Variants in TMEM260 observed in about 807,000 individuals in gnomAD.
TMEM260 encodes the protein transmembrane protein 260, also known as protein O-mannosyl-transferase TMEM260.
A neutral mutation model predicts 88.9 loss-of-function variants in TMEM260; 82 were observed. That is an observed-to-expected ratio of 0.92 (90% CI 0.77 to 1.11). The LOEUF (loss-of-function observed/expected upper bound fraction) is 1.11. Ranked by LOEUF, TMEM260 falls within the 50% of genes least tolerant of loss-of-function variation. The pLI is 0.00. For synonymous variants in TMEM260, 314 were observed against 309.3 expected (o/e 1.02, Z -0.16); for missense variants, 902 against 853.4 (o/e 1.06, Z -0.71).
intron 3 of TMEM260, among the ~76,000 whole-genome samples, chr14:56,588,250 C>G (rs1885634120): frequency 6.6e-6 from 1 of 152,044 alleles, no homozygotes; most frequent in South Asian, 2.1e-4. Context: ...TTAGTGCTGA[C>G]TGGTGTGCAG....
At chr14:56,660,091 T>C in the TMEM260 span, among the ~76,000 whole-genome samples, 1 of 152,246 alleles carries the variant, frequency 6.6e-6, no homozygotes, top group African/African-American at 2.4e-5. Flanking sequence ...AGAGTGATGA[T>C]GCCAAAAATT....
Position 56,617,210 on chromosome 14 carries a change from GC to G in TMEM260, c.970del (p.Leu324PhefsTer19). 6.3e-7 allele frequency: 1 copy of G among 1,598,976 alleles called. No individual in the cohort carries two copies. Among genetic ancestry groups the G allele is most frequent in the Non-Finnish European group, 8.5e-7 (1 of 1,173,836 alleles). On this transcript the variant is annotated frameshift_variant, in exon 9 of 16. Coordinates refer to ENST00000261556, the MANE Select transcript of TMEM260 (RefSeq NM_017799.4). LOFTEE classifies it high-confidence loss of function. ...ACAGACAGAATCCATCATTAGTATG[GC>G]TTTTTACTGGAATGTTTTGCATTTA... is the stretch of plus-strand genomic sequence containing the variant. ...KDRQNPSLVW[L>X]FTGMFCIYSL... is the part of the protein sequence containing the mutation.
At chr14:56,626,999 A>G (rs552160500) in intron 12 of TMEM260, among the ~76,000 whole-genome samples, 359 of 152,254 alleles carry the variant, frequency 2.4e-3, no homozygotes, top group Non-Finnish European at 4.1e-3. Context: ...TTAACCTACC[A>G]TTATATCATA....
Position 56,601,871 on chromosome 14 carries a change from C to T in TMEM260, c.345-1944C>T, listed in dbSNP as rs78236881. On this transcript the variant is annotated intron_variant, in intron 3 of 15. Coordinates refer to ENST00000261556, the MANE Select transcript of TMEM260 (RefSeq NM_017799.4). ...GCCCCCATCATTCTTTGAGCACTTA[C>T]TTACTTTCTGGCACAAGATGTTTCA... is the stretch of plus-strand genomic sequence containing the variant. Among the ~76,000 whole-genome samples, 1,282 of 152,196 alleles carry T rather than the reference C, an allele frequency of 8.4e-3. 34 individuals are homozygous for T. The East Asian group carries it at 0.085, about 10-fold the overall frequency.
chr14:56,652,893 TC>T (rs1890230772), downstream of TMEM260, among the ~76,000 whole-genome samples: 1 of 152,240 alleles, frequency 6.6e-6, no homozygotes, highest in South Asian at 2.1e-4. Context: ...TGGAGGCAGT[TC>T]CTCCAGTTGC....
chr14:56,592,586 C>A (rs1885932743), intron 3 of TMEM260, among the ~76,000 whole-genome samples: 1 of 151,990 alleles, frequency 6.6e-6, no homozygotes, highest in South Asian at 2.1e-4. Flanking sequence ...TATGAATAAG[C>A]CTGAAGGGAA....
At position 56,593,878 on chromosome 14, in the gene TMEM260, G is replaced by A. The variant is rs1369171938; in HGVS notation, c.344+7966G>A. Among the ~76,000 whole-genome samples the A allele has an allele frequency of 5.3e-5, 8 of 150,642 alleles. No individual in the cohort carries two copies. The South Asian group carries it at 1.3e-3, about 24-fold the overall frequency. On this transcript the variant is annotated intron_variant, in intron 3 of 15. Coordinates refer to ENST00000261556, the MANE Select transcript of TMEM260 (RefSeq NM_017799.4). ...AATTTTTTGTATTTTTAGTAGAGAC[G>A]GGGTTTCACCTTGTTAGCCAGGATG...
intron 14 of TMEM260, 92 bp from the exon 15 acceptor site, chr14:56,636,416 C>A: frequency 3.2e-6 from 3 of 949,226 alleles, no homozygotes; most frequent in Non-Finnish European, 3.4e-6. Context: ...TTTGTACATC[C>A]CTTATCAGTG....
rs150385297 is a variant in TMEM260 at position 56,594,737 on chromosome 14, C to G, written c.344+8825C>G. Among the ~76,000 whole-genome samples the G allele has an allele frequency of 3.5e-4, 54 of 152,240 alleles. No individual in the cohort carries two copies. The East Asian group carries it at 8.5e-3, about 24-fold the overall frequency. On this transcript the variant is annotated intron_variant, in intron 3 of 15. Transcript: ENST00000261556. ...TTTAAATCTCCTATTTAAATAATGT[C>G]AGGTTGGACATTCCTTCCATTTATT...
intron 10 of TMEM260, chr14:56,619,349 T>G (rs1887774750): frequency 6.6e-6 from 1 of 152,568 alleles, no homozygotes; most frequent in Admixed American, 6.5e-5. Context: ...TTTTCTTTTT[T>G]TTTTGTAGAG....
chr14:56,662,865 C>T, the TMEM260 span, among the ~76,000 whole-genome samples: 5 of 152,202 alleles, frequency 3.3e-5, no homozygotes, highest in East Asian at 3.9e-4. Context: ...ACCCTGGCTA[C>T]GCCTGTAATC....
chr14:56,592,821 A>G (rs1484773439), intron 3 of TMEM260, among the ~76,000 whole-genome samples: 2 of 152,190 alleles, frequency 1.3e-5, no homozygotes, highest in Non-Finnish European at 2.9e-5. Flanking sequence ...TCAAGTAGGA[A>G]TTCTCAGTAC....
intron 15 of TMEM260, among the ~76,000 whole-genome samples, chr14:56,639,621 A>T (rs1440784957): frequency 6.6e-6 from 1 of 152,216 alleles, no homozygotes; most frequent in Non-Finnish European, 1.5e-5. Context: ...TACCGGGTTC[A>T]TCTCACTGGG....
intron 1 of TMEM260, 130 bp downstream of exon 1, chr14:56,580,204 C>A: frequency 1.4e-6 from 1 of 693,636 alleles, no homozygotes; most frequent in Non-Finnish European, 2.0e-6. Flanking sequence ...CCCCTGTGCA[C>A]AGCGCACTAT....
At chr14:56,616,440 A>G (rs1887599097) in intron 8 of TMEM260, among the ~76,000 whole-genome samples, 1 of 152,036 alleles carries the variant, frequency 6.6e-6, no homozygotes, top group Admixed American at 6.5e-5. Flanking sequence ...TAGTCTGTTG[A>G]ATGCATTTGT....
chr14:56,635,344 A>G (rs1888962266), intron 14 of TMEM260, among the ~76,000 whole-genome samples: 1 of 152,240 alleles, frequency 6.6e-6, no homozygotes, highest in Admixed American at 6.5e-5. Context: ...GTGCCTGTCA[A>G]TTAGTTAAGC....
the TMEM260 span, among the ~76,000 whole-genome samples, chr14:56,656,605 T>C: frequency 6.6e-6 from 1 of 152,166 alleles, no homozygotes. Context: ...AATATGTCAG[T>C]AAAAACAGTT....
chr14:56,647,806 TTTCATA>T lies in TMEM260; in HGVS notation c.*311_*316del. ...TAGATTCTAGAAGAGAATGAACCAT[TTTCATA>T]TAACTAAATATTGGTCATGAACTGT... is the stretch of plus-strand genomic sequence containing the variant. On this transcript the variant is annotated 3_prime_UTR_variant, in exon 16 of 16. Coordinates refer to ENST00000261556, the MANE Select transcript of TMEM260 (RefSeq NM_017799.4). 1 of 293,324 alleles carries T rather than the reference TTTCATA, an allele frequency of 3.4e-6. No homozygotes were observed. Among genetic ancestry groups the T allele is most frequent in the Non-Finnish European group, 6.4e-6 (1 of 156,802 alleles). The allele number at this position is 293,324 out of a possible 1,614,324, so 18.2% of individuals were successfully genotyped here. A position where few individuals can be genotyped will look rare whatever the true frequency, so the allele number is the denominator to read the frequency against.
At chr14:56,598,345 C>A (rs899161954) in intron 3 of TMEM260, among the ~76,000 whole-genome samples, 1 of 152,230 alleles carries the variant, frequency 6.6e-6, no homozygotes, top group Non-Finnish European at 1.5e-5. Context: ...TGGTCATCAA[C>A]AGGGATCAAC....
Sources: allele counts gnomAD v4.1 joint callset (sites outside exome capture counted in the v4.1 genomes callset), GRCh38; gene constraint gnomAD v4.1.1; transcripts MANE v1.5; gene names NCBI Gene and HGNC (gene_info 2026-07-23, HGNC 2026-07-21).